The following SKIC2 variants were observed in gnomAD, a reference collection of about 807,000 sequenced individuals.
SKIC2 encodes the protein SKI2 subunit of superkiller complex, also known as superkiller complex protein 2.
the SKIC2 span, chr6:31,960,407 T>C: frequency 4.8e-5 from 76 of 1,599,660 alleles, no homozygotes; most frequent in East Asian, 2.0e-4. Context: ...CTCAGCCTCA[T>C]TGGGGCTCTG....
chr6:31,967,846 G>C, the SKIC2 span: 1 of 1,612,932 alleles, frequency 6.2e-7, no homozygotes. This position sits in a 1 kb window ranked among gnomAD's most constrained non-coding sequence, Gnocchi z 4.9. Context: ...TGGGATTCAA[G>C]CTGTTCCTGC....
the SKIC2 span, chr6:31,961,650 G>T: frequency 6.2e-7 from 1 of 1,612,696 alleles, no homozygotes; most frequent in Admixed American, 1.7e-5. Context: ...GATTTCTATC[G>T]CCTCATTCCC....
chr6:31,968,519 G>A, the SKIC2 span: 1 of 1,612,820 alleles, frequency 6.2e-7, no homozygotes, highest in Non-Finnish European at 8.5e-7. This position sits in a 1 kb window ranked among gnomAD's most constrained non-coding sequence, Gnocchi z 6.1. Context: ...TGTGTACACA[G>A]CCCCCGTTTT....
chr6:31,963,987 C>T, the SKIC2 span: 1 of 1,612,602 alleles, frequency 6.2e-7, no homozygotes, highest in Non-Finnish European at 8.5e-7. This position sits in a 1 kb window ranked among gnomAD's most constrained non-coding sequence, Gnocchi z 5.3. Flanking sequence ...TGTTCACCTT[C>T]TCCCGGGGCC....
chr6:31,967,160 TGAG>T, the SKIC2 span: 1 of 1,607,796 alleles, frequency 6.2e-7, no homozygotes, highest in Non-Finnish European at 8.5e-7. This position sits in a 1 kb window ranked among gnomAD's most constrained non-coding sequence, Gnocchi z 4.9. Flanking sequence ...GTGTGAGTGC[TGAG>T]GAGGTGATAG....
the SKIC2 span, chr6:31,962,393 C>A: frequency 6.2e-7 from 1 of 1,606,794 alleles, no homozygotes; most frequent in Non-Finnish European, 8.5e-7. The surrounding 1 kb of genome is among the most constrained non-coding windows in gnomAD (Gnocchi z 5.0). Context: ...GAAGTGCGGG[C>A]CATGAGTCTG....
At chr6:31,959,594 A>C in the SKIC2 span, 1 of 566,630 alleles carries the variant, frequency 1.8e-6, no homozygotes, top group South Asian at 2.3e-5. Context: ...AGGGCTGGGG[A>C]TATTTTTGCT....
At chr6:31,963,375 G>A in the SKIC2 span, 56 of 1,507,236 alleles carry the variant, frequency 3.7e-5, no homozygotes, top group African/African-American at 2.9e-4. This position sits in a 1 kb window ranked among gnomAD's most constrained non-coding sequence, Gnocchi z 5.3. Flanking sequence ...TCCTTCCCAC[G>A]TTCCCACCCC....
chr6:31,969,700 C>A, the SKIC2 span: 1 of 1,595,662 alleles, frequency 6.3e-7, no homozygotes. This position sits in a 1 kb window ranked among gnomAD's most constrained non-coding sequence, Gnocchi z 6.1. Context: ...TTGCGGCCAG[C>A]CTCTACACCC....
chr6:31,960,714 C>G, the SKIC2 span: 6 of 1,575,300 alleles, frequency 3.8e-6, no homozygotes, highest in Non-Finnish European at 4.3e-6. Context: ...CGGGAGGAGG[C>G]TGAGGAGGAG....
At chr6:31,961,762 G>A in the SKIC2 span, 3 of 1,559,454 alleles carry the variant, frequency 1.9e-6, no homozygotes, top group Non-Finnish European at 1.7e-6. Flanking sequence ...TTGGCCAGAG[G>A]TCAGATCCAT....
At chr6:31,966,852 G>C in the SKIC2 span, 1 of 1,614,046 alleles carries the variant, frequency 6.2e-7, no homozygotes, top group East Asian at 2.2e-5. This position sits in a 1 kb window ranked among gnomAD's most constrained non-coding sequence, Gnocchi z 5.9. Context: ...GCAAGGTAAG[G>C]AGCCTGGGGT....
chr6:31,966,002 C>T, the SKIC2 span: 17 of 1,592,074 alleles, frequency 1.1e-5, no homozygotes, highest in African/African-American at 1.1e-4. This position sits in a 1 kb window ranked among gnomAD's most constrained non-coding sequence, Gnocchi z 5.9. Context: ...AGACCTGCAC[C>T]GCATGATGAT....
At chr6:31,966,618 G>A in the SKIC2 span, 9 of 1,372,670 alleles carry the variant, frequency 6.6e-6, no homozygotes, top group South Asian at 1.2e-5. The surrounding 1 kb of genome is among the most constrained non-coding windows in gnomAD (Gnocchi z 5.9). Flanking sequence ...AGCTAGGACC[G>A]GATCTGACGG....
At chr6:31,968,220 G>A in the SKIC2 span, 1 of 1,446,206 alleles carries the variant, frequency 6.9e-7, no homozygotes, top group East Asian at 2.3e-5. The surrounding 1 kb of genome is among the most constrained non-coding windows in gnomAD (Gnocchi z 6.1). Flanking sequence ...CCCAGCCTAA[G>A]GGAGACTGTG....
chr6:31,967,007 C>T, the SKIC2 span: 1 of 1,612,998 alleles, frequency 6.2e-7, no homozygotes, highest in Non-Finnish European at 8.5e-7. This position sits in a 1 kb window ranked among gnomAD's most constrained non-coding sequence, Gnocchi z 4.9. Flanking sequence ...ACCCAAGGCC[C>T]ATGAACAGGC....
At chr6:31,963,155 G>A in the SKIC2 span, 1 of 1,168,076 alleles carries the variant, frequency 8.6e-7, no homozygotes, top group Non-Finnish European at 1.3e-6. This position sits in a 1 kb window ranked among gnomAD's most constrained non-coding sequence, Gnocchi z 5.3. Flanking sequence ...TTCGGGTGGG[G>A]GACTAAGTCT....
the SKIC2 span, chr6:31,964,210 C>G: frequency 6.2e-7 from 1 of 1,611,158 alleles, no homozygotes; most frequent in Non-Finnish European, 8.5e-7. The surrounding 1 kb of genome is among the most constrained non-coding windows in gnomAD (Gnocchi z 5.0). Context: ...CATCCCTGAC[C>G]ATGGGCCTCC....
chr6:31,967,761 G>A, the SKIC2 span: 1 of 1,613,042 alleles, frequency 6.2e-7, no homozygotes, highest in Non-Finnish European at 8.5e-7. This position sits in a 1 kb window ranked among gnomAD's most constrained non-coding sequence, Gnocchi z 4.9. Context: ...CTGGTCTTGT[G>A]TGATAAGCCC....
Sources: allele counts gnomAD v4.1 joint callset, GRCh38; gene constraint gnomAD v4.1.1; non-coding constraint Gnocchi (gnomAD v3.1); transcripts MANE v1.5; gene names NCBI Gene and HGNC (gene_info 2026-07-23, HGNC 2026-07-21).